The following FLT1 variants were observed in gnomAD, a reference collection of about 807,000 sequenced individuals.
The protein encoded by FLT1 is vascular endothelial growth factor receptor 1.
A neutral mutation model predicts 156.3 loss-of-function variants in FLT1; 49 were observed. The observed-to-expected ratio is 0.31, with a 90% confidence interval of 0.25 to 0.40. The LOEUF (loss-of-function observed/expected upper bound fraction) is 0.40, where lower values mean the gene tolerates loss of function less well. FLT1 is among the 10% of genes least tolerant of loss of function. The pLI is 1.00. For missense variants in FLT1, 1,322 were observed against 1,637.2 expected (o/e 0.81, Z 3.32); for synonymous variants, 594 against 583.8 (o/e 1.02, Z -0.25).
intron 13 of FLT1, chr13:28,385,895 T>G: frequency 1.9e-6 from 2 of 1,052,494 alleles, no homozygotes; most frequent in East Asian, 1.1e-4. Context: ...GTCCTGCTGA[T>G]GTGTATACAT....
At chr13:28,323,345 C>T (rs915526122) in intron 20 of FLT1, among the ~76,000 whole-genome samples, 1 of 152,104 alleles carries the variant, frequency 6.6e-6, no homozygotes, top group African/African-American at 2.4e-5. Context: ...ATCAAATTCA[C>T]ATGCAGCTAA....
chr13:28,440,922 T>A (rs530930528), intron 3 of FLT1, among the ~76,000 whole-genome samples: 1 of 152,082 alleles, frequency 6.6e-6, no homozygotes, highest in Non-Finnish European at 1.5e-5. Flanking sequence ...GACAGGAGAG[T>A]GCCCCTCCTC....
Position 28,430,151 on chromosome 13 carries a change from A to G in FLT1, c.1005T>C (p.Thr335=), listed in dbSNP as rs758980092. The change falls in exon 8 of 30, where the codon ACT becomes ACC. Residue 335 remains threonine, a synonymous_variant. Coordinates refer to ENST00000282397, the MANE Select transcript of FLT1 (RefSeq NM_002019.4). ...SVHIYDKAFI[T]VKHRKQQVLE... The stretch of plus-strand genomic sequence containing the variant: ...GCACCTGCTGTTTTCGATGTTTCAC[A>G]GTGATGAATGCTTTATCTTTGAAAG... 6.2e-7 allele frequency: 1 copy of G among 1,612,126 alleles called. No homozygotes were observed. The highest frequency in any genetic ancestry group is 2.2e-5 in the East Asian group (1 of 44,866).
chr13:28,488,948 C>T (rs17553416), intron 1 of FLT1, among the ~76,000 whole-genome samples: 1,675 of 152,288 alleles, frequency 0.011, 17 homozygotes, highest in Non-Finnish European at 0.018. Flanking sequence ...ACTCTGTTCT[C>T]TCTAAAAATT....
At chr13:28,486,660 G>A (rs537783328) in intron 1 of FLT1, among the ~76,000 whole-genome samples, 32 of 152,278 alleles carry the variant, frequency 2.1e-4, no homozygotes, top group African/African-American at 7.0e-4. Context: ...TACCTCACTC[G>A]GCAAAACAGT....
rs147069020 is a variant in FLT1, at chr13:28,300,763, C to T, written c.*2404G>A. The T allele has an allele frequency of 3.6e-4, 83 of 233,186 alleles. 1 individual carries two copies. Among genetic ancestry groups the T allele is most frequent in the East Asian group, 2.5e-3 (42 of 16,584 alleles). 14.4% of individuals were successfully genotyped at this position (233,186 alleles called of 1,614,324 possible). On this transcript the variant is annotated 3_prime_UTR_variant, in exon 30 of 30. Coordinates refer to ENST00000282397, the MANE Select transcript of FLT1 (RefSeq NM_002019.4). ...GCCCCATTCCACCCAGACTGTTCCACGTACATTATCTCAGAAACTCTGAAA... is the reference window on the plus strand; with the variant it reads ...GCCCCATTCCACCCAGACTGTTCCATGTACATTATCTCAGAAACTCTGAAA...
At chr13:28,391,726 A>G (rs936386956) in intron 12 of FLT1, among the ~76,000 whole-genome samples, 21 of 151,994 alleles carry the variant, frequency 1.4e-4, no homozygotes, top group African/African-American at 4.8e-4. Context: ...CTTCATCTCC[A>G]TCTCCCAGGT....
intron 19 of FLT1, among the ~76,000 whole-genome samples, chr13:28,329,178 G>T (rs898196215): frequency 6.6e-6 from 1 of 152,126 alleles, no homozygotes; most frequent in Non-Finnish European, 1.5e-5. Flanking sequence ...TACCCCCTTG[G>T]GTAAGGTCTA....
intron 25 of FLT1, among the ~76,000 whole-genome samples, chr13:28,312,854 C>T (rs990661242): frequency 6.6e-5 from 10 of 152,206 alleles, no homozygotes; most frequent in Non-Finnish European, 1.3e-4. Context: ...ACAGGTTGGG[C>T]TCCTGGATAA....
At chr13:28,401,806 T>G (rs1299014313) in intron 11 of FLT1, among the ~76,000 whole-genome samples, 1 of 152,204 alleles carries the variant, frequency 6.6e-6, no homozygotes, top group African/African-American at 2.4e-5. Context: ...GCTCCTGTCA[T>G]GGATTTGTCT....
chr13:28,390,673 A>T (rs968653080), intron 12 of FLT1, among the ~76,000 whole-genome samples: 1 of 152,204 alleles, frequency 6.6e-6, no homozygotes, highest in South Asian at 2.1e-4. Context: ...CTGGGATTAC[A>T]GGCATGAGCC....
rs865856035 is a variant in FLT1, at chr13:28,372,582, A to G, written c.2116+12303T>C. On this transcript the variant is annotated intron_variant, in intron 14 of 29. Transcript: ENST00000282397. ...AAATAAAATGTATATATATATATAT[A>G]TATATATATATATATATATAGCTGG... 9.0e-3 allele frequency among the ~76,000 whole-genome samples: 1,168 copies of G among 129,530 alleles called. 45 individuals carry two copies. The highest frequency in any genetic ancestry group is 0.029 in the African/African-American group (1,095 of 37,614). The allele number at this position is 129,530 out of a possible 152,430, so 85.0% of individuals were successfully genotyped here. A position where few individuals can be genotyped will look rare whatever the true frequency, so the allele number is the denominator to read the frequency against.
At chr13:28,493,800 C>T (rs1484606596) in intron 1 of FLT1, among the ~76,000 whole-genome samples, 1 of 152,234 alleles carries the variant, frequency 6.6e-6, no homozygotes, top group African/African-American at 2.4e-5. Flanking sequence ...TGGTAAAACC[C>T]CCGGCCCCTG....
At chr13:28,305,055 G>A (rs531119131) in intron 29 of FLT1, among the ~76,000 whole-genome samples, 1 of 152,280 alleles carries the variant, frequency 6.6e-6, no homozygotes, top group African/African-American at 2.4e-5. Flanking sequence ...CCTAGGAGTT[G>A]AATTGCTGAG....
intron 3 of FLT1, among the ~76,000 whole-genome samples, chr13:28,458,603 C>T (rs1399231932): frequency 6.6e-6 from 1 of 152,224 alleles, no homozygotes; most frequent in Non-Finnish European, 1.5e-5. Context: ...TGACTGCCAG[C>T]AAGTCTACCA....
At chr13:28,368,200 C>G (rs1270393186) in intron 14 of FLT1, 1 of 329,770 alleles carries the variant, frequency 3.0e-6, no homozygotes, top group Non-Finnish European at 4.6e-6. Flanking sequence ...GTTGCCCAGG[C>G]TGGAGTGCAG....
At chr13:28,473,771 AAGG>A (rs1880348934) in intron 1 of FLT1, among the ~76,000 whole-genome samples, 1 of 105,804 alleles carries the variant, frequency 9.5e-6, no homozygotes, top group African/African-American at 3.8e-5. Context: ...GGAAGGAAGG[AAGG>A]AAGGAAAGAA....
intron 19 of FLT1, chr13:28,328,198 T>G (rs1411831327): frequency 6.6e-6 from 1 of 152,340 alleles, no homozygotes; most frequent in East Asian, 1.9e-4. Flanking sequence ...GATTGGAATT[T>G]CATACAATTT....
intron 14 of FLT1, among the ~76,000 whole-genome samples, chr13:28,361,801 T>G (rs1189974491): frequency 6.6e-6 from 1 of 152,234 alleles, no homozygotes; most frequent in African/African-American, 2.4e-5. Flanking sequence ...TCAAAAGACC[T>G]GTTTTGAGTA....
Sources: gnomAD v4.1 joint callset for allele counts (sites outside exome capture counted in the v4.1 genomes callset) on GRCh38, gnomAD v4.1.1 for gene constraint, MANE v1.5 for transcripts, NCBI Gene and HGNC (gene_info 2026-07-23, HGNC 2026-07-21) for gene names.